Variants in DAB1 observed in about 807,000 individuals in gnomAD.
DAB1 encodes the protein disabled homolog 1.
A neutral mutation model predicts 64.6 loss-of-function variants in DAB1; 15 were observed. The ratio of observed to expected loss-of-function variants is 0.23; its 90% confidence interval spans 0.16 to 0.36. The LOEUF (loss-of-function observed/expected upper bound fraction) is 0.36, where lower values mean the gene tolerates loss of function less well. Among genes scored for constraint, DAB1 ranks in the 10% least tolerant of loss-of-function variants. The probability of loss-of-function intolerance (pLI) is 1.00; values close to 1 mark genes in which losing one functional copy is unlikely to be tolerated. For missense variants in DAB1, 596 were observed against 706.7 expected (o/e 0.84, Z 1.78); for synonymous variants, 235 against 251.9 (o/e 0.93, Z 0.64).
chr1:58,419,657 G>A (rs748609247), intron 3 of DAB1, among the ~76,000 whole-genome samples: 1 of 152,140 alleles, frequency 6.6e-6, no homozygotes, highest in Non-Finnish European at 1.5e-5. Context: ...CAGCTTCCCC[G>A]TAGGTGTAGC....
At chr1:57,708,349 T>C (rs1646990965) in intron 6 of DAB1, among the ~76,000 whole-genome samples, 1 of 152,172 alleles carries the variant, frequency 6.6e-6, no homozygotes, top group South Asian at 2.1e-4. Context: ...TAAGACGTCG[T>C]TCTCTGTACT....
At chr1:57,568,861 T>A (rs575413756) in intron 7 of DAB1, among the ~76,000 whole-genome samples, 41 of 152,272 alleles carry the variant, frequency 2.7e-4, no homozygotes, top group African/African-American at 8.9e-4. Context: ...ATTGTGGAAG[T>A]CAGTGTGGCA....
At chr1:58,265,431 C>A (rs1189799326) in intron 4 of DAB1, among the ~76,000 whole-genome samples, 1 of 152,206 alleles carries the variant, frequency 6.6e-6, no homozygotes, top group East Asian at 1.9e-4. Context: ...TGACCAGTTC[C>A]CTTTCTTCTA....
intron 5 of DAB1, among the ~76,000 whole-genome samples, chr1:57,989,090 C>T (rs557348108): frequency 1.3e-5 from 2 of 152,320 alleles, no homozygotes; most frequent in South Asian, 2.1e-4. Flanking sequence ...CTGCCACTTA[C>T]TAGCTATGTG....
chr1:57,601,874 G>A (rs1033944950), intron 7 of DAB1, among the ~76,000 whole-genome samples: 2 of 152,076 alleles, frequency 1.3e-5, no homozygotes, highest in Admixed American at 1.3e-4. Context: ...GGTTTAAAAA[G>A]AGAAAAGAAA....
intron 5 of DAB1, among the ~76,000 whole-genome samples, chr1:58,130,645 C>A (rs1473822417): frequency 6.6e-6 from 1 of 151,940 alleles, no homozygotes; most frequent in Non-Finnish European, 1.5e-5. Flanking sequence ...TCTTGTAAGG[C>A]AGGCCTGGTG....
intron 1 of DAB1, among the ~76,000 whole-genome samples, chr1:57,337,876 C>T (rs897955443): frequency 1.6e-5 from 1 of 62,586 alleles, no homozygotes; most frequent in Admixed American, 1.3e-4. Flanking sequence ...CCCTCCCCTC[C>T]CCTCCCTTCC....
intron 7 of DAB1, among the ~76,000 whole-genome samples, chr1:57,436,864 A>G (rs1328614092): frequency 6.6e-6 from 1 of 151,838 alleles, no homozygotes; most frequent in East Asian, 1.9e-4. Context: ...CGTCTCTACT[A>G]AAAAATACAA....
intron 9 of DAB1, among the ~76,000 whole-genome samples, chr1:57,048,140 A>T (rs1648760606): frequency 6.6e-6 from 1 of 152,212 alleles, no homozygotes; most frequent in South Asian, 2.1e-4. Flanking sequence ...AGAAGTTTAA[A>T]TAACCCACCC....
chr1:58,533,471 G>A (rs1646467516), intron 1 of DAB1, among the ~76,000 whole-genome samples: 2 of 87,706 alleles, frequency 2.3e-5, no homozygotes, highest in South Asian at 9.5e-4. Context: ...CTGTAAAATG[G>A]CAAGGTATTG....
At chr1:57,237,290 G>C (rs185413805) in intron 2 of DAB1, among the ~76,000 whole-genome samples, 6 of 152,180 alleles carry the variant, frequency 3.9e-5, no homozygotes, top group Non-Finnish European at 8.8e-5. Context: ...AAGACAACCT[G>C]TCCCCATGGG....
chr1:57,793,288 TG>T (rs1650690731), intron 6 of DAB1, among the ~76,000 whole-genome samples: 1 of 152,214 alleles, frequency 6.6e-6, no homozygotes, highest in South Asian at 2.1e-4. Flanking sequence ...ACTTGGATAC[TG>T]GAAATAAAAG....
At chr1:58,516,501 T>A (rs1270083508) in intron 2 of DAB1, among the ~76,000 whole-genome samples, 2 of 152,220 alleles carry the variant, frequency 1.3e-5, no homozygotes, top group Admixed American at 6.5e-5. Flanking sequence ...TGATTATTAA[T>A]TCTATATTAA....
intron 6 of DAB1, among the ~76,000 whole-genome samples, chr1:57,756,886 T>C (rs1648836279): frequency 6.6e-6 from 1 of 152,052 alleles, no homozygotes; most frequent in African/African-American, 2.4e-5. Flanking sequence ...AAATTAATCT[T>C]GGGAGATTAA....
At chr1:57,447,648 C>T (rs749029802) in intron 7 of DAB1, among the ~76,000 whole-genome samples, 3 of 152,168 alleles carry the variant, frequency 2.0e-5, no homozygotes, top group Non-Finnish European at 2.9e-5. Context: ...TTATACCATG[C>T]CTTTGTTTCA....
intron 4 of DAB1, among the ~76,000 whole-genome samples, chr1:57,135,168 A>C (rs1657977285): frequency 6.6e-6 from 1 of 152,188 alleles, no homozygotes. Flanking sequence ...ACATACATTC[A>C]CATTTTTGTG....
At position 58,005,184 on chromosome 1, in the gene DAB1, A is replaced by T. The variant is rs563207045; in HGVS notation, n.388-121022T>A. 3.3e-5 allele frequency among the ~76,000 whole-genome samples: 5 copies of T among 152,322 alleles called. No individual in the cohort carries two copies. The South Asian group carries it at 1.0e-3, about 32-fold the overall frequency. On this transcript the variant is annotated intron_variant and non_coding_transcript_variant, in intron 5 of 20. Transcript: ENST00000485760. The stretch of plus-strand genomic sequence containing the variant: ...TTTTCCCAGGTGTGTAACCATCACC[A>T]TAAATCATTTTCACACATTTTCATC...
At chr1:57,802,851 T>G (rs1376673375) in intron 6 of DAB1, among the ~76,000 whole-genome samples, 1 of 152,188 alleles carries the variant, frequency 6.6e-6, no homozygotes, top group Non-Finnish European at 1.5e-5. Context: ...GCCTAGTTTT[T>G]GGTATTTTTT....
chr1:57,524,055 C>T (rs1353678962), intron 7 of DAB1, among the ~76,000 whole-genome samples: 1 of 151,892 alleles, frequency 6.6e-6, no homozygotes, highest in Admixed American at 6.6e-5. Context: ...GAAATCATCA[C>T]AGGAAGAAAC....
Sources: gnomAD v4.1 joint callset for allele counts (sites outside exome capture counted in the v4.1 genomes callset) on GRCh38, gnomAD v4.1.1 for gene constraint, MANE v1.5 for transcripts, NCBI Gene and HGNC (gene_info 2026-07-23, HGNC 2026-07-21) for gene names.